Variants in SCARB1 observed in about 807,000 individuals in gnomAD.
The protein encoded by SCARB1 is CD36 and LIMPII analogous 1.
Under a neutral mutation model 57.2 loss-of-function variants are expected in SCARB1, and 30 were observed. The ratio of observed to expected loss-of-function variants is 0.52; its 90% CI spans 0.39 to 0.71. The LOEUF (loss-of-function observed/expected upper bound fraction) is 0.71, where lower values mean the gene tolerates loss of function less well. Ranked by LOEUF, SCARB1 falls within the 30% of genes least tolerant of loss-of-function variation. The probability of loss-of-function intolerance (pLI) is 0.00; values close to 1 mark genes in which losing one functional copy is unlikely to be tolerated. For synonymous variants in SCARB1, 249 were observed against 268.3 expected, an observed-to-expected ratio of 0.93 and a Z score of 0.70; for missense variants, 543 against 671.2, an observed-to-expected ratio of 0.81 and a Z score of 2.11.
At chr12:124,802,936 C>T (rs560001985) in intron 7 of SCARB1, among the ~76,000 whole-genome samples, 1 of 152,276 alleles carries the variant, frequency 6.6e-6, no homozygotes, top group African/African-American at 2.4e-5. Context: ...GACACGTGTG[C>T]ACCACGGTCA....
intron 4 of SCARB1, among the ~76,000 whole-genome samples, chr12:124,813,036 A>T (rs1950579509): frequency 6.6e-6 from 1 of 152,150 alleles, no homozygotes; most frequent in Admixed American, 6.5e-5. Flanking sequence ...GAGCATCAGA[A>T]ACTGCCAGTT....
In SCARB1 at chr12:124,822,322, A is replaced by G. The variant is rs1453876150; in HGVS notation, c.127-4615T>C. ...GAATTGCCACATATCCACACAATGGAATGCTACCTGGCAATCAAAAAGAAC... is the reference window on the plus strand; with the variant it reads ...GAATTGCCACATATCCACACAATGGGATGCTACCTGGCAATCAAAAAGAAC... On this transcript the variant is annotated intron_variant, in intron 1 of 12. Transcript: ENST00000261693. The surrounding 1 kb of genome is among the most constrained non-coding windows in gnomAD (Gnocchi z 5.0). Among the ~76,000 whole-genome samples the G allele has an allele frequency of 6.6e-6, 1 of 152,180 alleles. No individual in the cohort carries two copies. Among genetic ancestry groups the G allele is most frequent in the Non-Finnish European group, 1.5e-5 (1 of 68,038 alleles).
rs182488056 is a variant in SCARB1 at position 124,805,588 on chromosome 12, C to A, written c.1009+2173G>T. Among the ~76,000 whole-genome samples the A allele has an allele frequency of 1.2e-3, 188 of 152,232 alleles. 1 individual carries two copies. Among genetic ancestry groups the A allele is most frequent in the Middle Eastern group, 6.8e-3 (2 of 294 alleles). On this transcript the variant is annotated intron_variant, in intron 7 of 12. Coordinates refer to ENST00000261693, the MANE Select transcript of SCARB1 (RefSeq NM_005505.5). ...CATCTGCATATTTTTCGAGATGGGT[C>A]TTCCTCTGTTGCCCAGGCTGGAGTG... is the stretch of plus-strand genomic sequence containing the variant.
rs371436317 is a variant in SCARB1, at chr12:124,858,147, TCACA to T, written c.126+5444_126+5447del. 2.4e-3 allele frequency among the ~76,000 whole-genome samples: 360 copies of T among 151,612 alleles called. 1 individual carries two copies. Among genetic ancestry groups the T allele is most frequent in the African/African-American group, 8.1e-3 (337 of 41,406 alleles). On this transcript the variant is annotated intron_variant, in intron 1 of 12. Coordinates refer to ENST00000261693, the MANE Select transcript of SCARB1 (RefSeq NM_005505.5). Reference sequence around the variant, plus strand: ...CTGCCTCTGGGACAGACAGACACCTTCACACACACACACACGTGCACACATGCAC... The same window carrying T: ...CTGCCTCTGGGACAGACAGACACCTTCACACACACACGTGCACACATGCAC...
intron 1 of SCARB1, among the ~76,000 whole-genome samples, chr12:124,835,883 G>A (rs879935229): frequency 9.2e-5 from 14 of 152,172 alleles, no homozygotes; most frequent in African/African-American, 2.9e-4. Context: ...AGCAGGAGCC[G>A]CTTCACAGTT....
chr12:124,800,075 G>T lies in SCARB1; in HGVS notation c.1128+49C>A, dbSNP rs1304934917. On this transcript the variant is annotated intron_variant, in intron 8 of 12. Transcript: ENST00000261693. This position sits in a 1 kb window ranked among gnomAD's most constrained non-coding sequence, Gnocchi z 4.8. ...GGGGAGAGAGGAGGCAGCCAGGTGTGCTCCAACCAGGAATCACCCACCCCC... is the reference window on the plus strand; with the variant it reads ...GGGGAGAGAGGAGGCAGCCAGGTGTTCTCCAACCAGGAATCACCCACCCCC... The T allele has an allele frequency of 7.2e-7, 1 of 1,384,474 alleles. No individual in the cohort carries two copies. The highest frequency in any genetic ancestry group is 1.0e-6 in the Non-Finnish European group (1 of 972,422). The allele number at this position is 1,384,474 out of a possible 1,614,324, so 85.8% of individuals were successfully genotyped here.
chr12:124,779,897 G>A (rs899996151), intron 12 of SCARB1, among the ~76,000 whole-genome samples: 1 of 152,226 alleles, frequency 6.6e-6, no homozygotes, highest in Admixed American at 6.5e-5. Context: ...GGTCAGCCCC[G>A]CCCCCACACC....
In SCARB1 at chr12:124,801,770, T is replaced by C. The variant is rs75068270; in HGVS notation, c.1010-1528A>G. 9.5e-3 allele frequency among the ~76,000 whole-genome samples: 1,437 copies of C among 151,360 alleles called. 19 individuals carry two copies. The highest frequency in any genetic ancestry group is 0.048 in the South Asian group (231 of 4,778). ...CATCACTGCACTCCAGCCTGGACAA[T>C]AGTTTTCGGAGGTTGCAGTAAGCCA... On this transcript the variant is annotated intron_variant, in intron 7 of 12. Transcript: ENST00000261693.
intron 7 of SCARB1, among the ~76,000 whole-genome samples, chr12:124,802,666 C>T (rs942710135): frequency 2.6e-5 from 4 of 152,128 alleles, no homozygotes; most frequent in African/African-American, 4.8e-5. Context: ...CCAAGCACGC[C>T]GAGAGAGATC....
At chr12:124,784,647 C>A in intron 11 of SCARB1, 1 of 152,732 alleles carries the variant, frequency 6.5e-6, no homozygotes. Flanking sequence ...GAGCCAAGAC[C>A]AGCAGAGCAG....
rs933494856 is a variant in SCARB1 at position 124,812,509 on chromosome 12, G to A, written c.631-544C>T. Among the ~76,000 whole-genome samples, 1 of 152,186 alleles carries A rather than the reference G, an allele frequency of 6.6e-6. No homozygotes were observed. The highest frequency in any genetic ancestry group is 2.4e-5 in the African/African-American group (1 of 41,452). ...GAGTGCAAGCAAAGGAATAAGTCTT[G>A]GTTGTTCTAAGCCATGGAGATTCCG... On this transcript the variant is annotated intron_variant, in intron 4 of 12. Transcript: ENST00000261693. This position sits in a 1 kb window ranked among gnomAD's most constrained non-coding sequence, Gnocchi z 4.3.
chr12:124,831,857 T>C (rs1317711900), intron 1 of SCARB1, among the ~76,000 whole-genome samples: 2 of 152,108 alleles, frequency 1.3e-5, no homozygotes, highest in Non-Finnish European at 2.9e-5. Flanking sequence ...GCCTAATCAA[T>C]AGAAGAACAA....
chr12:124,803,102 A>G (rs838909), intron 7 of SCARB1, among the ~76,000 whole-genome samples: 80,136 of 152,086 alleles, frequency 0.53, 22,191 homozygotes, highest in African/African-American at 0.69. Flanking sequence ...GGGTGCACGG[A>G]CCAGAAAAGG....
In SCARB1 at chr12:124,837,712, AC is replaced by A. The variant is rs1195794400; in HGVS notation, c.127-20006del. On this transcript the variant is annotated intron_variant, in intron 1 of 12. Coordinates refer to ENST00000261693, the MANE Select transcript of SCARB1 (RefSeq NM_005505.5). ...GACGAGCCTGGGCAACATAGTGAGG[AC>A]CCCCCCTACACACCCACCCACCAAC... 2.7e-5 allele frequency among the ~76,000 whole-genome samples: 4 copies of A among 148,602 alleles called. No individual in the cohort carries two copies. The Admixed American group carries it at 2.7e-4, about 10-fold the overall frequency.
intron 12 of SCARB1, among the ~76,000 whole-genome samples, 162 bp from the exon 13 acceptor site, chr12:124,778,748 T>G (rs976660869): frequency 7.7e-5 from 11 of 142,410 alleles, no homozygotes; most frequent in Non-Finnish European, 1.3e-4. Flanking sequence ...TATAGACTCC[T>G]GGAATGACTC....
At position 124,777,361 on chromosome 12, in the gene SCARB1, GC is replaced by G. The variant is rs1872588926; in HGVS notation, c.*1225del. The G allele has an allele frequency of 6.6e-6, 1 of 152,206 alleles. No homozygotes were observed. The highest frequency in any genetic ancestry group is 2.4e-5 in the African/African-American group (1 of 41,442). The allele number at this position is 152,206 out of a possible 1,614,324, so 9.4% of individuals were successfully genotyped here. A position where few individuals can be genotyped will look rare whatever the true frequency, so the allele number is the denominator to read the frequency against. On this transcript the variant is annotated 3_prime_UTR_variant, in exon 13 of 13. Transcript: ENST00000261693. Reference sequence around the variant, plus strand: ...GGGGCCCCATGCAAAAGTGGCAAAAGCGTCTGCACTGGGGGCTGTGGGATGG... The same window carrying G: ...GGGGCCCCATGCAAAAGTGGCAAAAGGTCTGCACTGGGGGCTGTGGGATGG...
chr12:124,806,763 A>G (rs1280219370), intron 7 of SCARB1, among the ~76,000 whole-genome samples: 2 of 151,482 alleles, frequency 1.3e-5, no homozygotes, highest in Non-Finnish European at 2.9e-5. Context: ...TTAGCTAGGT[A>G]TCATGGCCCA....
intron 8 of SCARB1, among the ~76,000 whole-genome samples, chr12:124,798,585 A>G (rs1950026624): frequency 6.6e-6 from 1 of 152,112 alleles, no homozygotes; most frequent in Admixed American, 6.5e-5. Context: ...GCTCACGCCT[A>G]TAATCCCAGC....
intron 1 of SCARB1, among the ~76,000 whole-genome samples, chr12:124,830,094 C>G (rs944617283): frequency 2.0e-5 from 3 of 152,134 alleles, no homozygotes; most frequent in African/African-American, 7.2e-5. Flanking sequence ...TGGAGCCACC[C>G]ACCAGCCCTG....
Sources: allele counts gnomAD v4.1 joint callset (sites outside exome capture counted in the v4.1 genomes callset), GRCh38; gene constraint gnomAD v4.1.1; non-coding constraint Gnocchi (gnomAD v3.1); transcripts MANE v1.5; gene names NCBI Gene and HGNC (gene_info 2026-07-23, HGNC 2026-07-21).